TBC1D8: variants seen among roughly 807,000 people sequenced by gnomAD.
The protein encoded by TBC1D8 is TBC1 domain family member 8.
TBC1D8 carries 65 observed loss-of-function variants against 118.8 expected under a neutral mutation model. That is an observed-to-expected ratio of 0.55 (90% CI 0.45 to 0.67). TBC1D8 has a LOEUF of 0.67. Ranked by LOEUF, TBC1D8 falls within the 30% of genes least tolerant of loss-of-function variation. The pLI is 0.00. For synonymous variants in TBC1D8, 566 were observed against 595.8 expected (o/e 0.95, Z 0.73); for missense variants, 1,376 against 1,471.2 (o/e 0.94, Z 1.06).
Position 101,057,319 on chromosome 2 carries a change from T to C in TBC1D8, c.402+2102A>G, listed in dbSNP as rs1200431410. On this transcript the variant is annotated intron_variant, in intron 3 of 19. Transcript: ENST00000409318. ...GAAACAGCCCTGAGAGGAATCTACA[T>C]AACAAACCTCACTAAAATAATCCTT... 2.6e-5 allele frequency among the ~76,000 whole-genome samples: 4 copies of C among 152,166 alleles called. No homozygotes were observed. The South Asian group carries it at 8.3e-4, about 32-fold the overall frequency.
intron 1 of TBC1D8, among the ~76,000 whole-genome samples, chr2:101,100,075 C>G (rs1012027565): frequency 6.6e-6 from 1 of 152,190 alleles, no homozygotes; most frequent in Non-Finnish European, 1.5e-5. Context: ...CAAGTTGTCT[C>G]TGTTTACAGA....
intron 17 of TBC1D8, among the ~76,000 whole-genome samples, chr2:101,013,935 T>C (rs543756608): frequency 3.9e-5 from 6 of 152,350 alleles, no homozygotes; most frequent in African/African-American, 9.6e-5. Flanking sequence ...AATCAAATTA[T>C]AGCAGCGAGG....
At chr2:101,039,725 T>C (rs71413897) in intron 6 of TBC1D8, among the ~76,000 whole-genome samples, 1 of 152,054 alleles carries the variant, frequency 6.6e-6, no homozygotes, top group South Asian at 2.1e-4. Flanking sequence ...TAACTGAAGT[T>C]CCAGGAGCAT....
chr2:101,076,571 G>C (rs1208147428), intron 2 of TBC1D8, among the ~76,000 whole-genome samples: 2 of 152,198 alleles, frequency 1.3e-5, no homozygotes, highest in Non-Finnish European at 1.5e-5. Context: ...ATGATGCCCT[G>C]AGGGAGAAAA....
intron 1 of TBC1D8, among the ~76,000 whole-genome samples, chr2:101,093,588 G>A (rs1013015516): frequency 2.0e-5 from 3 of 151,812 alleles, no homozygotes; most frequent in Non-Finnish European, 4.4e-5. Context: ...GGTGGTACAC[G>A]CCTGTAATCC....
intron 17 of TBC1D8, among the ~76,000 whole-genome samples, chr2:101,015,804 G>GA (rs1413518992): frequency 6.6e-6 from 1 of 152,098 alleles, no homozygotes; most frequent in Non-Finnish European, 1.5e-5. Context: ...ACAAACCTGA[G>GA]AAAAACAAGC....
At chr2:101,032,441 T>C (rs777150553) in intron 10 of TBC1D8, 56 bp from the exon 11 acceptor site, 13 of 1,495,502 alleles carry the variant, frequency 8.7e-6, no homozygotes, top group African/African-American at 5.5e-5. Flanking sequence ...GCCACAGAGA[T>C]GTTACAAGCA....
intron 15 of TBC1D8, among the ~76,000 whole-genome samples, chr2:101,022,847 A>G (rs1680122974): frequency 6.6e-6 from 1 of 152,108 alleles, no homozygotes; most frequent in Non-Finnish European, 1.5e-5. Context: ...TTTCACTTAA[A>G]ATCCTACTTT....
chr2:101,098,293 C>T (rs1384148037), intron 1 of TBC1D8, among the ~76,000 whole-genome samples: 7 of 151,822 alleles, frequency 4.6e-5, no homozygotes, highest in African/African-American at 1.5e-4. Context: ...GCAGGAGAAT[C>T]GCTTGAAACC....
At chr2:101,025,992 G>C (rs1221513003) in intron 15 of TBC1D8, among the ~76,000 whole-genome samples, 2 of 152,186 alleles carry the variant, frequency 1.3e-5, no homozygotes, top group African/African-American at 4.8e-5. Context: ...AACACTGTTG[G>C]TCCTTCATAG....
At position 101,042,824 on chromosome 2, in the gene TBC1D8, C is replaced by T. The variant is rs531110318; in HGVS notation, c.873-2439G>A. Among the ~76,000 whole-genome samples, 5 of 151,838 alleles carry T rather than the reference C, an allele frequency of 3.3e-5. No individual in the cohort carries two copies. The South Asian group carries it at 1.0e-3, about 32-fold the overall frequency. On this transcript the variant is annotated intron_variant, in intron 5 of 19. Coordinates refer to ENST00000409318, the MANE Select transcript of TBC1D8 (RefSeq NM_001330348.2). ...TGAAATGTTACCTAAATGCCATAAACGCAAGATAGTAAACTCTCAACTCTG... is the reference window on the plus strand; with the variant it reads ...TGAAATGTTACCTAAATGCCATAAATGCAAGATAGTAAACTCTCAACTCTG...
chr2:101,027,209 G>C (rs1383634473), intron 15 of TBC1D8, among the ~76,000 whole-genome samples, 174 bp downstream of exon 15: 2 of 152,180 alleles, frequency 1.3e-5, no homozygotes, highest in Non-Finnish European at 2.9e-5. Context: ...GGTGGGGAGA[G>C]AGGTTTCTGG....
intron 5 of TBC1D8, among the ~76,000 whole-genome samples, chr2:101,050,130 C>T (rs1274585577): frequency 6.6e-6 from 1 of 152,154 alleles, no homozygotes; most frequent in Non-Finnish European, 1.5e-5. Flanking sequence ...ACCGGCCCTA[C>T]CCTTACTATA....
intron 1 of TBC1D8, among the ~76,000 whole-genome samples, chr2:101,108,228 C>T (rs941321773): frequency 6.6e-5 from 10 of 152,020 alleles, no homozygotes; most frequent in African/African-American, 2.4e-4. Context: ...CCCAACTGAG[C>T]GACATTCTAT....
At chr2:101,144,287 A>G (rs543925318) in intron 1 of TBC1D8, among the ~76,000 whole-genome samples, 1 of 152,228 alleles carries the variant, frequency 6.6e-6, no homozygotes, top group Non-Finnish European at 1.5e-5. Context: ...ACCCTCAAAG[A>G]GCCTCTTCAT....
chr2:101,070,486 C>T (rs1200953838), intron 2 of TBC1D8, among the ~76,000 whole-genome samples: 2 of 150,818 alleles, frequency 1.3e-5, no homozygotes, highest in Non-Finnish European at 2.9e-5. Flanking sequence ...AATATCAGCT[C>T]ACTGCAACCT....
chr2:101,145,031 T>C (rs1486779729), intron 1 of TBC1D8, among the ~76,000 whole-genome samples: 2 of 152,222 alleles, frequency 1.3e-5, no homozygotes, highest in East Asian at 3.8e-4. Context: ...CCTTCACTTC[T>C]AGTAAATGAA....
intron 1 of TBC1D8, among the ~76,000 whole-genome samples, chr2:101,143,143 A>G (rs549356105): frequency 1.8e-4 from 27 of 149,602 alleles, no homozygotes; most frequent in African/African-American, 6.4e-4. Flanking sequence ...GCTCACTGCA[A>G]CCTCCGCCTC....
chr2:101,056,020 T>C (rs1046658529), intron 3 of TBC1D8, among the ~76,000 whole-genome samples: 1 of 150,052 alleles, frequency 6.7e-6, no homozygotes, highest in African/African-American at 2.5e-5. Context: ...ACTTCTATCA[T>C]TTATTTTTAT....
Sources: gnomAD v4.1 joint callset for allele counts (sites outside exome capture counted in the v4.1 genomes callset) on GRCh38, gnomAD v4.1.1 for gene constraint, MANE v1.5 for transcripts, NCBI Gene and HGNC (gene_info 2026-07-23, HGNC 2026-07-21) for gene names.